Variants in OSBPL8 observed in about 807,000 individuals in gnomAD.
OSBPL8 encodes the protein oxysterol binding protein like 8.
OSBPL8 carries 59 observed loss-of-function variants against 125.5 expected under a neutral mutation model. The observed-to-expected ratio is 0.47, with a 90% CI of 0.38 to 0.58. The LOEUF is 0.58. OSBPL8 is among the 20% of genes least tolerant of loss of function. OSBPL8 has a pLI of 0.00. For synonymous variants in OSBPL8, 330 were observed against 338.9 expected (o/e 0.97, Z 0.29); for missense variants, 758 against 1,047.8 (o/e 0.72, Z 3.82).
At chr12:76,540,996 A>C (rs1301444057) in intron 1 of OSBPL8, among the ~76,000 whole-genome samples, 1 of 152,174 alleles carries the variant, frequency 6.6e-6, no homozygotes, top group African/African-American at 2.4e-5. Flanking sequence ...CACAGCTAGC[A>C]AATAATCTCA....
At chr12:76,530,015 T>C (rs971076931) in intron 1 of OSBPL8, among the ~76,000 whole-genome samples, 2 of 152,132 alleles carry the variant, frequency 1.3e-5, no homozygotes, top group Non-Finnish European at 2.9e-5. Context: ...GCCTCTATGA[T>C]ATGATATTCC....
Position 76,353,553 on chromosome 12 carries a change from T to G in OSBPL8, c.*2336A>C, listed in dbSNP as rs1364093435. ...GTCCATGTGTGAAGGAAGATTAATT[T>G]CAGGTAAATAACATTCAAAGTCAAT... On this transcript the variant is annotated 3_prime_UTR_variant, in exon 24 of 24. Transcript: ENST00000261183. 3 of 152,250 alleles carry G rather than the reference T, an allele frequency of 2.0e-5. No individual in the cohort carries two copies. The highest frequency in any genetic ancestry group is 4.4e-5 in the Non-Finnish European group (3 of 67,816). 9.4% of individuals were successfully genotyped at this position (152,250 alleles called of 1,614,324 possible).
chr12:76,451,130 T>G, intron 3 of OSBPL8, 142 bp from the exon 4 acceptor site: 2 of 900,584 alleles, frequency 2.2e-6, no homozygotes, highest in South Asian at 4.1e-5. Context: ...TAATAAATTC[T>G]CACAGTCATC....
intron 16 of OSBPL8, 63 bp from the exon 17 acceptor site, chr12:76,375,433 AAC>A: frequency 1.9e-6 from 2 of 1,035,490 alleles, no homozygotes; most frequent in South Asian, 1.4e-5. Flanking sequence ...GCTCACGATA[AAC>A]AGTTTAGTAA....
chr12:76,472,360 AC>A (rs1876246646), intron 2 of OSBPL8, among the ~76,000 whole-genome samples: 1 of 152,184 alleles, frequency 6.6e-6, no homozygotes, highest in Non-Finnish European at 1.5e-5. Flanking sequence ...CTATTCTGCT[AC>A]CACTACTGTA....
At chr12:76,409,024 G>C (rs1954396746) in intron 5 of OSBPL8, among the ~76,000 whole-genome samples, 2 of 151,724 alleles carry the variant, frequency 1.3e-5, no homozygotes, top group African/African-American at 4.8e-5. Context: ...AAATCTCATT[G>C]TATTTCTAGC....
In OSBPL8 at chr12:76,390,417, T is replaced by C; in HGVS notation, c.1167+3A>G. On this transcript the variant is annotated splice_donor_region_variant and intron_variant, in intron 11 of 23. Transcript: ENST00000261183. ...AGAACCTCTAAAAATAGCAGACTTT[T>C]ACCTCTCCAAGTTCTTCATGGCTCT... 5 of 1,591,888 alleles carry C rather than the reference T, an allele frequency of 3.1e-6. No homozygotes were observed. The highest frequency in any genetic ancestry group is 4.3e-6 in the Non-Finnish European group (5 of 1,164,990).
chr12:76,370,661 A>AATGGTT (rs1324728743), intron 19 of OSBPL8, among the ~76,000 whole-genome samples: 1 of 152,162 alleles, frequency 6.6e-6, no homozygotes, highest in Non-Finnish European at 1.5e-5. Context: ...AAGAACATCA[A>AATGGTT]ATGGTTATGG....
chr12:76,527,351 C>A (rs1025325735), intron 1 of OSBPL8, among the ~76,000 whole-genome samples: 3 of 152,058 alleles, frequency 2.0e-5, no homozygotes, highest in Admixed American at 2.0e-4. Flanking sequence ...CAATTAAAAC[C>A]CTTTGATCCT....
chr12:76,543,096 T>C (rs1950691314), intron 1 of OSBPL8, among the ~76,000 whole-genome samples: 1 of 152,024 alleles, frequency 6.6e-6, no homozygotes, highest in Non-Finnish European at 1.5e-5. Context: ...AATTGTGCAA[T>C]TAGGAGTTTA....
chr12:76,363,024 A>G (rs1201972027), intron 21 of OSBPL8, among the ~76,000 whole-genome samples: 1 of 152,258 alleles, frequency 6.6e-6, no homozygotes, highest in Non-Finnish European at 1.5e-5. Flanking sequence ...ACTCAGGGAA[A>G]TAAGAGAGGA....
intron 8 of OSBPL8, 144 bp from the exon 9 acceptor site, chr12:76,394,873 T>A: frequency 1.8e-6 from 1 of 557,614 alleles, no homozygotes; most frequent in East Asian, 3.5e-5. Flanking sequence ...TCATCATTCT[T>A]GAGAATGCAA....
chr12:76,556,212 A>C (rs1951093370), intron 1 of OSBPL8, among the ~76,000 whole-genome samples: 1 of 152,158 alleles, frequency 6.6e-6, no homozygotes. Flanking sequence ...TTCAATGGTG[A>C]GCAAAACAGA....
At chr12:76,415,847 G>C (rs1344060650) in intron 4 of OSBPL8, among the ~76,000 whole-genome samples, 1 of 151,968 alleles carries the variant, frequency 6.6e-6, no homozygotes, top group African/African-American at 2.4e-5. Context: ...CCACAGGTTT[G>C]TCTATCAGTC....
intron 1 of OSBPL8, among the ~76,000 whole-genome samples, chr12:76,555,637 G>T (rs912639747): frequency 3.3e-5 from 5 of 152,128 alleles, no homozygotes; most frequent in Admixed American, 3.3e-4. Flanking sequence ...ATATAACTTT[G>T]TTCTCCCAAC....
intron 1 of OSBPL8, among the ~76,000 whole-genome samples, chr12:76,540,164 C>T (rs1950602214): frequency 6.6e-6 from 1 of 152,250 alleles, no homozygotes; most frequent in South Asian, 2.1e-4. Flanking sequence ...AAAACATCTG[C>T]ACTTTGAAAT....
intron 1 of OSBPL8, among the ~76,000 whole-genome samples, chr12:76,513,394 T>C (rs1003742243): frequency 1.3e-5 from 2 of 152,240 alleles, no homozygotes; most frequent in African/African-American, 4.8e-5. Context: ...AAGAAGAATG[T>C]ATATTCAGTT....
chr12:76,470,554 C>T (rs976242394), intron 2 of OSBPL8, among the ~76,000 whole-genome samples: 6 of 152,248 alleles, frequency 3.9e-5, no homozygotes, highest in African/African-American at 1.4e-4. Flanking sequence ...TCTTTGCATG[C>T]TTATATAGAG....
chr12:76,403,374 T>G lies in OSBPL8; in HGVS notation c.289-608A>C, dbSNP rs146172141. ...AGACTTTCAGTTTACACTTCACATT[T>G]TTATTTAATCTTCACAAGAATCTTG... On this transcript the variant is annotated intron_variant, in intron 5 of 23. Coordinates refer to ENST00000261183, the MANE Select transcript of OSBPL8 (RefSeq NM_020841.5). Among the ~76,000 whole-genome samples, 368 of 152,324 alleles carry G rather than the reference T, an allele frequency of 2.4e-3. 1 individual carries two copies. The South Asian group carries it at 0.025, about 10-fold the overall frequency.
Sources: allele counts gnomAD v4.1 joint callset (sites outside exome capture counted in the v4.1 genomes callset), GRCh38; gene constraint gnomAD v4.1.1; transcripts MANE v1.5; gene names NCBI Gene and HGNC (gene_info 2026-07-23, HGNC 2026-07-21).